UCK2: variants seen among roughly 807,000 people sequenced by gnomAD.
UCK2 encodes the protein cytidine monophosphokinase 2.
Under a neutral mutation model 30.8 loss-of-function variants are expected in UCK2, and 6 were observed. That is an observed-to-expected ratio of 0.19 (90% CI 0.11 to 0.38). The LOEUF is 0.38. Ranked by LOEUF, UCK2 falls within the 10% of genes least tolerant of loss-of-function variation. The probability of loss-of-function intolerance (pLI) is 1.00; values close to 1 mark genes in which losing one functional copy is unlikely to be tolerated. For missense variants in UCK2, 210 were observed against 339.8 expected (o/e 0.62, Z 3.00); for synonymous variants, 125 against 133.6 (o/e 0.94, Z 0.45).
At chr1:165,844,741 C>T (rs1032888251) in intron 1 of UCK2, among the ~76,000 whole-genome samples, 1 of 152,076 alleles carries the variant, frequency 6.6e-6, no homozygotes, top group South Asian at 2.1e-4. Flanking sequence ...ATCAATGATG[C>T]GTATGTAACG....
At chr1:165,887,778 C>G (rs907078157) in intron 1 of UCK2, among the ~76,000 whole-genome samples, 1 of 151,836 alleles carries the variant, frequency 6.6e-6, no homozygotes, top group Non-Finnish European at 1.5e-5. Flanking sequence ...ATTTCCCCCC[C>G]CACCCATCCA....
At chr1:165,895,673 A>G (rs771957431) in intron 3 of UCK2, 16 of 984,496 alleles carry the variant, frequency 1.6e-5, no homozygotes, top group South Asian at 4.7e-5. Flanking sequence ...ACTTTTCTTT[A>G]TTTTCCCTCC....
At position 165,911,610 on chromosome 1, in the gene UCK2, C is replaced by A. The variant is rs1557853788; in HGVS notation, c.*3787C>A. On this transcript the variant is annotated 3_prime_UTR_variant, in exon 7 of 7. Transcript: ENST00000367879. ...GTACTTTGCTGTAAATAAAGACAGA[C>A]AAAAAGGCTCTCGCCTTCTGTGTGA... The A allele has an allele frequency of 6.6e-6, 1 of 152,138 alleles. No individual in the cohort carries two copies. Among genetic ancestry groups the A allele is most frequent in the Admixed American group, 6.5e-5 (1 of 15,280 alleles). 9.4% of individuals were successfully genotyped at this position (152,138 alleles called of 1,614,324 possible).
At chr1:165,882,808 A>C (rs529794960) in intron 1 of UCK2, among the ~76,000 whole-genome samples, 1 of 152,096 alleles carries the variant, frequency 6.6e-6, no homozygotes, top group Non-Finnish European at 1.5e-5. Flanking sequence ...GGGGGGACAC[A>C]TTCAGACCTT....
intron 1 of UCK2, among the ~76,000 whole-genome samples, chr1:165,849,042 T>C (rs6663402): frequency 1 from 152,280 of 152,282 alleles, 76,139 homozygotes; most frequent in Non-Finnish European, 1. Context: ...TTGCTTGAGG[T>C]CTGGAGTTTG....
Position 165,908,027 on chromosome 1 carries a change from A to T in UCK2, c.*204A>T, listed in dbSNP as rs1243795136. The T allele has an allele frequency of 1.6e-6, 1 of 614,046 alleles. No individual in the cohort carries two copies. Among genetic ancestry groups the T allele is most frequent in the African/African-American group, 1.8e-5 (1 of 54,156 alleles). 38.0% of individuals were successfully genotyped at this position (614,046 alleles called of 1,614,324 possible). On this transcript the variant is annotated 3_prime_UTR_variant, in exon 7 of 7. Transcript: ENST00000367879. ...ACTTGACCCTGAGCTTAAATAACAA[A>T]ACTGTGCCAACTACTACTGGTGATG...
At chr1:165,850,432 ATTT>A (rs1257061982) in intron 1 of UCK2, among the ~76,000 whole-genome samples, 1 of 146,190 alleles carries the variant, frequency 6.8e-6, no homozygotes, top group Non-Finnish European at 1.5e-5. Flanking sequence ...GCCCGGCCTT[ATTT>A]TTTAATTTTT....
intron 1 of UCK2, among the ~76,000 whole-genome samples, chr1:165,833,531 C>T (rs192338096): frequency 2.1e-4 from 32 of 152,198 alleles, no homozygotes; most frequent in Admixed American, 2.1e-3. Context: ...TTCTTTGTTC[C>T]TTGAGTGTCT....
intron 1 of UCK2, among the ~76,000 whole-genome samples, chr1:165,862,432 G>A (rs1654936788): frequency 6.6e-6 from 1 of 152,146 alleles, no homozygotes. Flanking sequence ...GAGGTCCTTT[G>A]GTGTAAAAAC....
intron 1 of UCK2, among the ~76,000 whole-genome samples, chr1:165,846,366 A>G (rs1341297256): frequency 2.6e-5 from 4 of 152,182 alleles, no homozygotes; most frequent in Non-Finnish European, 5.9e-5. Flanking sequence ...TTGAATTCCT[A>G]TGGGTATGGG....
intron 1 of UCK2, among the ~76,000 whole-genome samples, chr1:165,835,508 A>G (rs923838583): frequency 6.6e-6 from 1 of 152,054 alleles, no homozygotes; most frequent in Non-Finnish European, 1.5e-5. Context: ...GCCCCATCAC[A>G]TATTTTTGAC....
At chr1:165,837,522 C>G (rs1472030366) in intron 1 of UCK2, among the ~76,000 whole-genome samples, 2 of 152,154 alleles carry the variant, frequency 1.3e-5, no homozygotes, top group African/African-American at 4.8e-5. Flanking sequence ...CACTTTTAAG[C>G]CTTTGCAGGT....
intron 6 of UCK2, 139 bp from the exon 7 acceptor site, chr1:165,907,545 T>G: frequency 8.3e-7 from 1 of 1,208,036 alleles, no homozygotes; most frequent in Non-Finnish European, 1.1e-6. Context: ...GTTGGATGAC[T>G]TGCCTGCAAG....
At chr1:165,840,718 T>C (rs1156612196) in intron 1 of UCK2, among the ~76,000 whole-genome samples, 1 of 152,246 alleles carries the variant, frequency 6.6e-6, no homozygotes, top group African/African-American at 2.4e-5. Context: ...CTTATTCTTG[T>C]CTTACCAGCT....
intron 1 of UCK2, among the ~76,000 whole-genome samples, chr1:165,837,855 G>C (rs940181113): frequency 6.6e-6 from 1 of 152,010 alleles, no homozygotes. Context: ...CCCCTTGAAC[G>C]TGCTCAATCT....
chr1:165,878,277 A>G (rs1655390384), intron 1 of UCK2, among the ~76,000 whole-genome samples: 1 of 151,736 alleles, frequency 6.6e-6, no homozygotes, highest in African/African-American at 2.4e-5. Context: ...TCACTTAGCA[A>G]TATGCATTTA....
At chr1:165,844,662 CT>C (rs1401924408) in intron 1 of UCK2, among the ~76,000 whole-genome samples, 1 of 152,198 alleles carries the variant, frequency 6.6e-6, no homozygotes, top group Non-Finnish European at 1.5e-5. Context: ...CCCCATGCCC[CT>C]GACCTCTGGG....
At chr1:165,893,693 A>AT (rs1455964732) in intron 3 of UCK2, among the ~76,000 whole-genome samples, 3 of 152,190 alleles carry the variant, frequency 2.0e-5, no homozygotes, top group African/African-American at 7.2e-5. Context: ...GTGGTATATT[A>AT]TGCCAGGTAT....
chr1:165,903,124 G>A, intron 4 of UCK2, 58 bp from the exon 5 acceptor site: 2 of 1,347,720 alleles, frequency 1.5e-6, no homozygotes, highest in Non-Finnish European at 2.1e-6. Flanking sequence ...CCCATGAAGG[G>A]CGGGTGTGTG....
Sources: gnomAD v4.1 joint callset for allele counts (sites outside exome capture counted in the v4.1 genomes callset) on GRCh38, gnomAD v4.1.1 for gene constraint, MANE v1.5 for transcripts, NCBI Gene and HGNC (gene_info 2026-07-23, HGNC 2026-07-21) for gene names.